ADH5: variants seen among roughly 807,000 people sequenced by gnomAD.
ADH5 encodes the protein alcohol dehydrogenase 5 (class III), chi polypeptide.
Under a neutral mutation model 40.3 loss-of-function variants are expected in ADH5, and 32 were observed. That is an observed-to-expected ratio of 0.79 (90% CI 0.60 to 1.07). ADH5 has a LOEUF of 1.07. Among genes scored for constraint, ADH5 ranks in the 50% least tolerant of loss-of-function variants. The pLI is 0.00. For synonymous variants in ADH5, 125 were observed against 154.3 expected, an observed-to-expected ratio of 0.81 and a Z score of 1.41; for missense variants, 353 against 460.5, an observed-to-expected ratio of 0.77 and a Z score of 2.14.
chr4:99,085,552 C>G (rs1222145741), intron 1 of ADH5: 1 of 322,350 alleles, frequency 3.1e-6, no homozygotes, highest in Non-Finnish European at 6.2e-6. Flanking sequence ...GGCATGGGGT[C>G]CAAGAAATCT....
chr4:99,085,757 G>A, intron 1 of ADH5: 2 of 156,816 alleles, frequency 1.3e-5, no homozygotes, highest in Non-Finnish European at 2.8e-5. Context: ...ATGACCACTG[G>A]CCGGGCTTGG....
chr4:99,077,640 A>C (rs189265842), intron 4 of ADH5, among the ~76,000 whole-genome samples: 5 of 152,388 alleles, frequency 3.3e-5, no homozygotes, highest in South Asian at 2.1e-4. Flanking sequence ...GCTAATTTAT[A>C]TCTTTCAGGA....
intron 1 of ADH5, among the ~76,000 whole-genome samples, chr4:99,087,112 AG>A (rs1175576277): frequency 6.7e-6 from 1 of 148,320 alleles, no homozygotes; most frequent in African/African-American, 2.5e-5. Context: ...GGCCGGGTGC[AG>A]GGGCTCACGC....
At chr4:99,072,488 C>A (rs1295288256) in intron 8 of ADH5, 47 bp from the exon 9 acceptor site, 1 of 1,610,318 alleles carries the variant, frequency 6.2e-7, no homozygotes, top group Non-Finnish European at 8.5e-7. Flanking sequence ...ACCTTTAAGA[C>A]AACTAAAATT....
chr4:99,083,173 T>C (rs1728060868), intron 2 of ADH5, among the ~76,000 whole-genome samples: 1 of 152,222 alleles, frequency 6.6e-6, no homozygotes, highest in Admixed American at 6.5e-5. Flanking sequence ...CCCATTGAGC[T>C]GTATGGGCAC....
intron 7 of ADH5, among the ~76,000 whole-genome samples, 196 bp from the exon 8 acceptor site, chr4:99,072,907 C>A (rs1464112085): frequency 6.6e-6 from 1 of 152,156 alleles, no homozygotes; most frequent in African/African-American, 2.4e-5. Context: ...AATTTCCCTT[C>A]CTCTGTATTA....
At chr4:99,081,261 G>T in intron 4 of ADH5, 104 bp downstream of exon 4, 2 of 679,488 alleles carry the variant, frequency 2.9e-6, no homozygotes, top group Non-Finnish European at 2.5e-6. Context: ...CTGGGTTAAT[G>T]AACCTAAATT....
Position 99,074,906 on chromosome 4 carries a change from C to T in ADH5, c.961+8G>A, listed in dbSNP as rs771824754. The T allele has an allele frequency of 6.3e-6, 10 of 1,598,628 alleles. No homozygotes were observed. Among genetic ancestry groups the T allele is most frequent in the African/African-American group, 5.4e-5 (4 of 74,480 alleles). ...GAGAAAATGCAGTCATCTCATCCAT[C>T]GAATTACCTCCAAAGGCAGTGCCTT... On this transcript the variant is annotated splice_region_variant and intron_variant, in intron 7 of 8. Transcript: ENST00000296412.
At chr4:99,087,103 G>T (rs1728157091) in intron 1 of ADH5, among the ~76,000 whole-genome samples, 1 of 151,388 alleles carries the variant, frequency 6.6e-6, no homozygotes, top group Non-Finnish European at 1.5e-5. Flanking sequence ...GCCTCTGTAG[G>T]CCGGGTGCAG....
At position 99,081,974 on chromosome 4, in the gene ADH5, C is replaced by A. The variant is rs1488430452; in HGVS notation, c.256+1G>T. ...ACAAGTGGTTCAAGTATTCTCCTTA[C>A]CCGCCTTCAGCTTAGTAACTCCCTC... On this transcript the variant is annotated splice_donor_variant, in intron 3 of 8. Coordinates refer to ENST00000296412, the MANE Select transcript of ADH5 (RefSeq NM_000671.4). LOFTEE classifies it high-confidence loss of function. 2 of 1,613,630 alleles carry A rather than the reference C, an allele frequency of 1.2e-6. No individual in the cohort carries two copies. Among genetic ancestry groups the A allele is most frequent in the Admixed American group, 3.3e-5 (2 of 59,998 alleles).
chr4:99,088,727 G>C lies in ADH5; in HGVS notation c.-27C>G, dbSNP rs374663436. Reference sequence around the variant, plus strand: ...TTCACGGATTCTGGTCGGCGCGGGGGGCTGACATCCGGGGTGGGCCGCGCA... The same window carrying C: ...TTCACGGATTCTGGTCGGCGCGGGGCGCTGACATCCGGGGTGGGCCGCGCA... On this transcript the variant is annotated 5_prime_UTR_variant, in exon 1 of 9. Transcript: ENST00000296412. 2 of 1,603,214 alleles carry C rather than the reference G, an allele frequency of 1.2e-6. No individual in the cohort carries two copies. The highest frequency in any genetic ancestry group is 1.7e-6 in the Non-Finnish European group (2 of 1,174,156).
intron 2 of ADH5, among the ~76,000 whole-genome samples, chr4:99,083,897 G>C (rs1469744862): frequency 6.6e-6 from 1 of 152,118 alleles, no homozygotes; most frequent in Non-Finnish European, 1.5e-5. Flanking sequence ...TCTCCAGCTG[G>C]CTACCTTGTA....
rs532491186 is a variant in ADH5 at position 99,086,894 on chromosome 4, C to T, written c.13-1678G>A. Reference sequence around the variant, plus strand: ...GGCGGAGCTTGTAGTGAGCCGAGATCGCGCCACTGCACTCCAGCCTGGGTG... The same window carrying T: ...GGCGGAGCTTGTAGTGAGCCGAGATTGCGCCACTGCACTCCAGCCTGGGTG... On this transcript the variant is annotated intron_variant, in intron 1 of 8. Transcript: ENST00000296412. Among the ~76,000 whole-genome samples, 428 of 126,134 alleles carry T rather than the reference C, an allele frequency of 3.4e-3. 12 individuals are homozygous for T. The highest frequency in any genetic ancestry group is 0.013 in the African/African-American group (412 of 30,930). 82.7% of individuals were successfully genotyped at this position (126,134 alleles called of 152,430 possible).
At chr4:99,087,490 T>G (rs529989617) in intron 1 of ADH5, among the ~76,000 whole-genome samples, 1 of 152,132 alleles carries the variant, frequency 6.6e-6, no homozygotes, top group African/African-American at 2.4e-5. Flanking sequence ...TTAAATCTCA[T>G]AGTACAAAGA....
chr4:99,078,838 A>G (rs1727974509), intron 4 of ADH5, among the ~76,000 whole-genome samples: 1 of 152,232 alleles, frequency 6.6e-6, no homozygotes, highest in Non-Finnish European at 1.5e-5. Flanking sequence ...AAAGAATTTA[A>G]ATGGTTACAA....
chr4:99,087,157 G>T (rs1579367697), intron 1 of ADH5, among the ~76,000 whole-genome samples: 1 of 151,812 alleles, frequency 6.6e-6, no homozygotes, highest in Non-Finnish European at 1.5e-5. Context: ...GCCGAGATGG[G>T]CGGATCACCT....
In ADH5 at chr4:99,081,364, C is replaced by T. The variant is rs770825524; in HGVS notation, c.344+1G>A. ...TAAGAAGAACATAAAAAGATACTAA[C>T]CTTATCTTCTGGCAAAGGTTAGTTT... is the stretch of plus-strand genomic sequence containing the variant. On this transcript the variant is annotated splice_donor_variant, in intron 4 of 8. Coordinates refer to ENST00000296412, the MANE Select transcript of ADH5 (RefSeq NM_000671.4). LOFTEE classifies it high-confidence loss of function. 2 of 1,567,338 alleles carry T rather than the reference C, an allele frequency of 1.3e-6. No individual in the cohort carries two copies. The highest frequency in any genetic ancestry group is 1.7e-6 in the Non-Finnish European group (2 of 1,145,814).
rs1727855405 is a variant in ADH5, at chr4:99,072,599, G to T, written c.1074C>A (p.Ala358=). The T allele has an allele frequency of 6.2e-7, 1 of 1,613,328 alleles. No individual in the cohort carries two copies. Among genetic ancestry groups the T allele is most frequent in the Non-Finnish European group, 8.5e-7 (1 of 1,179,740 alleles). ...HNLSFDEINK[A]FELMHSGKSI... Reference sequence around the variant, plus strand: ...TCTTTCCAGAATGCATCAGTTCAAAGGCTTTGTTGATTTCATCAAAAGACA... The same window carrying T: ...TCTTTCCAGAATGCATCAGTTCAAATGCTTTGTTGATTTCATCAAAAGACA... Residue 358 remains alanine, a synonymous_variant, in exon 8 of 9, where the codon GCC becomes GCA. Transcript: ENST00000296412.
intron 3 of ADH5, chr4:99,081,748 G>T: frequency 1.7e-6 from 1 of 581,682 alleles, no homozygotes; most frequent in Non-Finnish European, 2.9e-6. Context: ...TGCCAAAATT[G>T]GTTTTGGAAA....
Sources: allele counts gnomAD v4.1 joint callset (sites outside exome capture counted in the v4.1 genomes callset), GRCh38; gene constraint gnomAD v4.1.1; transcripts MANE v1.5; gene names NCBI Gene and HGNC (gene_info 2026-07-23, HGNC 2026-07-21).